The following MYO5C variants were observed in gnomAD, a reference collection of about 807,000 sequenced individuals.
MYO5C encodes the protein myosin VC.
In MYO5C, 194 loss-of-function variants were observed where a neutral mutation model predicts 235.7. The observed-to-expected ratio is 0.82, with a 90% CI of 0.73 to 0.93. MYO5C has a LOEUF of 0.93. Among genes scored for constraint, MYO5C ranks in the 40% least tolerant of loss-of-function variants. The pLI, the probability that MYO5C is intolerant of heterozygous loss-of-function variation, is 0.00. For synonymous variants in MYO5C, 707 were observed against 754.8 expected (o/e 0.94, Z 1.04); for missense variants, 2,038 against 2,127.2 (o/e 0.96, Z 0.82).
At chr15:52,237,108 G>A (rs2036103290) in intron 22 of MYO5C, 1 of 157,198 alleles carries the variant, frequency 6.4e-6, no homozygotes, top group African/African-American at 2.4e-5. Flanking sequence ...CCCTACCCTA[G>A]CTTTGCATCG....
In MYO5C at chr15:52,192,724, G is replaced by A. The variant is rs1017673908; in HGVS notation, c.*1178C>T. 3.9e-5 allele frequency: 6 copies of A among 152,150 alleles called. No homozygotes were observed. Among genetic ancestry groups the A allele is most frequent in the Admixed American group, 6.5e-5 (1 of 15,272 alleles). 9.4% of individuals were successfully genotyped at this position (152,150 alleles called of 1,614,324 possible). A position where few individuals can be genotyped will look rare whatever the true frequency, so the allele number is the denominator to read the frequency against. The stretch of plus-strand genomic sequence containing the variant: ...CGTAGATTTCTCAAAAGTAGGGTCC[G>A]ACACAATTTTTTAGTTACTTTTTGA... On this transcript the variant is annotated 3_prime_UTR_variant, in exon 41 of 41. Transcript: ENST00000261839.
chr15:52,245,095 G>T (rs2036309074), intron 18 of MYO5C, among the ~76,000 whole-genome samples: 1 of 152,222 alleles, frequency 6.6e-6, no homozygotes, highest in South Asian at 2.1e-4. Flanking sequence ...AGAGGACTGG[G>T]TTAGATCGTG....
intron 13 of MYO5C, 90 bp downstream of exon 13, chr15:52,251,300 T>G: frequency 5.5e-6 from 7 of 1,269,812 alleles, no homozygotes; most frequent in Non-Finnish European, 7.4e-6. Context: ...ATGACTTGAA[T>G]CTGATCAGAA....
intron 28 of MYO5C, among the ~76,000 whole-genome samples, chr15:52,224,152 G>A (rs532554748): frequency 1.7e-4 from 26 of 152,218 alleles, no homozygotes; most frequent in African/African-American, 3.6e-4. Context: ...GTGTGGTAGC[G>A]CATGCCTGTA....
At chr15:52,290,162 GTGCTT>G (rs1409621941) in intron 1 of MYO5C, among the ~76,000 whole-genome samples, 1 of 152,042 alleles carries the variant, frequency 6.6e-6, no homozygotes. Flanking sequence ...CCTGGTCTTT[GTGCTT>G]GGAATCCAAT....
intron 16 of MYO5C, among the ~76,000 whole-genome samples, chr15:52,246,576 G>A (rs912730883): frequency 6.6e-6 from 1 of 152,176 alleles, no homozygotes; most frequent in Non-Finnish European, 1.5e-5. Context: ...CAAGAATAAT[G>A]CCTCATGCCA....
intron 16 of MYO5C, among the ~76,000 whole-genome samples, chr15:52,246,516 T>C (rs2036347984): frequency 6.6e-6 from 1 of 152,170 alleles, no homozygotes; most frequent in East Asian, 1.9e-4. Flanking sequence ...AAGGGACTTG[T>C]TACACCTTAT....
Position 52,223,557 on chromosome 15 carries a change from G to A in MYO5C, c.3614C>T (p.Thr1205Ile). Residue 1205 changes from threonine (T) to isoleucine (I), a missense_variant, in exon 29 of 41, where the codon ACA (threonine) becomes ATA (isoleucine). Physicochemically the swap from Thr to Ile is moderately conservative, Grantham distance 89. Coordinates refer to ENST00000261839, the MANE Select transcript of MYO5C (RefSeq NM_018728.4). ...CTGAGACCATACCATGTTCTCTGAT[G>A]TTAGCCTGGTAACTTCATGACGGAT... ...ESIRHEVTRL[T>I]SENMMIPDFK... 6.2e-7 allele frequency: 1 copy of A among 1,613,978 alleles called. No homozygotes were observed. The highest frequency in any genetic ancestry group is 8.5e-7 in the Non-Finnish European group (1 of 1,179,934).
chr15:52,210,696 C>T (rs537015616), intron 35 of MYO5C, among the ~76,000 whole-genome samples: 11 of 152,290 alleles, frequency 7.2e-5, no homozygotes, highest in African/African-American at 2.6e-4. Flanking sequence ...AAGCAACTAT[C>T]CCTGTAAGCA....
chr15:52,199,357 G>A (rs528751479), intron 38 of MYO5C, among the ~76,000 whole-genome samples: 1 of 152,262 alleles, frequency 6.6e-6, no homozygotes, highest in South Asian at 2.1e-4. Flanking sequence ...CAGTGAGATG[G>A]AGTAACCACA....
At chr15:52,287,566 AATT>A (rs1310496665) in intron 1 of MYO5C, among the ~76,000 whole-genome samples, 1 of 152,218 alleles carries the variant, frequency 6.6e-6, no homozygotes, top group Non-Finnish European at 1.5e-5. Context: ...CCCCCAAAAG[AATT>A]GTACATGAAT....
At chr15:52,218,800 T>C in intron 31 of MYO5C, 113 bp from the exon 32 acceptor site, 1 of 1,086,990 alleles carries the variant, frequency 9.2e-7, no homozygotes, top group Non-Finnish European at 1.3e-6. Context: ...TTGGCCAATT[T>C]CTGTGTAAAG....
intron 1 of MYO5C, among the ~76,000 whole-genome samples, chr15:52,291,729 A>ATTTTTTTTTTTTTTTTT (rs1317823747): frequency 4.3e-5 from 2 of 46,722 alleles, no homozygotes; most frequent in African/African-American, 7.7e-5. Context: ...TGCATATTTT[A>ATTTTTTTTTTTTTTTTT]TGTTTTTTTT....
intron 7 of MYO5C, among the ~76,000 whole-genome samples, chr15:52,270,698 G>GTA (rs1357103134): frequency 2.7e-5 from 4 of 146,788 alleles, no homozygotes; most frequent in South Asian, 2.1e-4. Context: ...ACATGTATGT[G>GTA]TATATATATA....
At position 52,264,230 on chromosome 15, in the gene MYO5C, A is replaced by C; in HGVS notation, c.1007T>G (p.Val336Gly). The C allele has an allele frequency of 6.2e-7, 1 of 1,614,122 alleles. No homozygotes were observed. The highest frequency in any genetic ancestry group is 8.5e-7 in the Non-Finnish European group (1 of 1,179,952). ...CTCGTTGCCCACCGCGGTGATCTGC[A>C]CATTGCCCAGATGTAGGATGGCTGC... is the stretch of plus-strand genomic sequence containing the variant. ...ILAAILHLGN[V>G]QITAVGNERS... The change falls in exon 9 of 41, where the codon GTG becomes GGG. Residue 336 changes from valine to glycine, a missense_variant. Transcript: ENST00000261839.
chr15:52,242,273 G>C, intron 19 of MYO5C, 60 bp from the exon 20 acceptor site: 1 of 1,527,326 alleles, frequency 6.5e-7, no homozygotes, highest in Non-Finnish European at 8.9e-7. Flanking sequence ...TTCCATAACA[G>C]AGCTGCAAGC....
intron 24 of MYO5C, among the ~76,000 whole-genome samples, chr15:52,230,496 C>T (rs2035922929): frequency 6.6e-6 from 1 of 151,862 alleles, no homozygotes; most frequent in African/African-American, 2.4e-5. Context: ...GCAACCTCCG[C>T]CCCCCGGGTT....
At position 52,223,621 on chromosome 15, in the gene MYO5C, G is replaced by A. The variant is rs2035750918; in HGVS notation, c.3550C>T (p.Gln1184Ter). Residue 1184 changes from glutamine to a stop codon, truncating the protein, a stop_gained, in exon 29 of 41, where the codon CAG (glutamine) becomes TAG (stop). Transcript: ENST00000261839. LOFTEE classifies it high-confidence loss of function. ...TCATTTTCTTCTCTGAATAACTTCT[G>A]CAGGTGGTTGATTTCTTGACTGAGA... ...VHLSQEINHL[Q>*]KLFREENDIN... The A allele has an allele frequency of 6.2e-7, 1 of 1,613,986 alleles. No individual in the cohort carries two copies.
intron 14 of MYO5C, among the ~76,000 whole-genome samples, chr15:52,248,245 C>A (rs1037497377): frequency 6.6e-6 from 1 of 152,120 alleles, no homozygotes; most frequent in Non-Finnish European, 1.5e-5. Flanking sequence ...CAGGGCCAAG[C>A]AGTCTTCCCC....
Sources: allele counts gnomAD v4.1 joint callset (sites outside exome capture counted in the v4.1 genomes callset), GRCh38; gene constraint gnomAD v4.1.1; transcripts MANE v1.5; gene names NCBI Gene and HGNC (gene_info 2026-07-23, HGNC 2026-07-21).